Variants in DBI observed in about 807,000 individuals in gnomAD.
DBI encodes diazepam binding inhibitor, acyl-CoA binding protein.
In DBI, 12 loss-of-function variants were observed where a neutral mutation model predicts 13.0. That is an observed-to-expected ratio of 0.92 (90% CI 0.59 to 1.49). The LOEUF is 1.49. DBI is among the 40% of genes most tolerant of loss of function. The probability of loss-of-function intolerance (pLI) is 0.00; values close to 1 mark genes in which losing one functional copy is unlikely to be tolerated. For synonymous variants in DBI, 37 were observed against 37.4 expected (o/e 0.99, Z 0.04); for missense variants, 95 against 104.8 (o/e 0.91, Z 0.41).
At position 119,370,720 on chromosome 2, in the gene DBI, C is replaced by T. The variant is rs374207955; in HGVS notation, c.128-20C>T. On this transcript the variant is annotated intron_variant, in intron 2 of 3. Transcript: ENST00000355857. ...TTAGAATTTGAACCAGATCTAATGC[C>T]TTTTCTTCCCTTGTTTAAGAACGGC... 1 of 1,612,180 alleles carries T rather than the reference C, an allele frequency of 6.2e-7. No individual in the cohort carries two copies. Among genetic ancestry groups the T allele is most frequent in the South Asian group, 1.1e-5 (1 of 90,640 alleles).
At position 119,372,244 on chromosome 2, in the gene DBI, G is replaced by A. The variant is rs771529766; in HGVS notation, c.191-1G>A. 1 of 1,612,558 alleles carries A rather than the reference G, an allele frequency of 6.2e-7. No homozygotes were observed. Among genetic ancestry groups the A allele is most frequent in the Non-Finnish European group, 8.5e-7 (1 of 1,178,694 alleles). On this transcript the variant is annotated splice_acceptor_variant, in intron 3 of 3. Transcript: ENST00000355857. LOFTEE classifies it high-confidence loss of function. ...CACATAATCCTGTCGATTCCTTACA[G>A]GGACTTCCAAGGAAGATGCCATGAA...
intron 2 of DBI, chr2:119,368,605 T>C: frequency 3.1e-6 from 1 of 321,274 alleles, no homozygotes; most frequent in Non-Finnish European, 6.0e-6. Context: ...CTCAGCTCAG[T>C]AGTATCATTG....
At chr2:119,367,701 C>T in intron 1 of DBI, 1 of 1,611,756 alleles carries the variant, frequency 6.2e-7, no homozygotes, top group Admixed American at 1.7e-5. Flanking sequence ...GGCTCCGGCG[C>T]TGACACCGCG....
intron 3 of DBI, among the ~76,000 whole-genome samples, chr2:119,371,623 A>G (rs1326297356): frequency 6.6e-6 from 1 of 152,166 alleles, no homozygotes; most frequent in Non-Finnish European, 1.5e-5. Flanking sequence ...ATCCTTCACC[A>G]TAGAATCCAG....
chr2:119,367,874 G>C (rs753050121), intron 1 of DBI: 7 of 1,614,020 alleles, frequency 4.3e-6, no homozygotes, highest in Non-Finnish European at 5.9e-6. Context: ...CCCCACTGGG[G>C]GCGAAGGCTT....
Position 119,372,324 on chromosome 2 carries a change from T to C in DBI, c.*6T>C. On this transcript the variant is annotated 3_prime_UTR_variant, in exon 4 of 4. Coordinates refer to ENST00000355857, the MANE Select transcript of DBI (RefSeq NM_001079862.4). ...AGAAAAAATACGGGATATGAGAGAC[T>C]GGATTTGGTTACTGTGCCATGTGTT... 6.2e-7 allele frequency: 1 copy of C among 1,603,154 alleles called. No homozygotes were observed.
At chr2:119,368,817 G>C (rs1286934450) in intron 2 of DBI, 2 of 164,902 alleles carry the variant, frequency 1.2e-5, no homozygotes, top group Non-Finnish European at 1.3e-5. Context: ...CAGATTTTGA[G>C]GCTGTGCTTT....
At chr2:119,367,676 G>A (rs765163494) in intron 1 of DBI, 1 of 1,613,282 alleles carries the variant, frequency 6.2e-7, no homozygotes, top group Non-Finnish European at 8.5e-7. Flanking sequence ...CCCAGGGGGA[G>A]GGAGGGGACC....
chr2:119,367,722 C>G, intron 1 of DBI: 1 of 1,609,804 alleles, frequency 6.2e-7, no homozygotes, highest in Non-Finnish European at 8.5e-7. Flanking sequence ...GCACTCATGC[C>G]CTGTCCCCTT....
At chr2:119,370,659 T>C in intron 2 of DBI, 81 bp from the exon 3 acceptor site, 1 of 1,291,378 alleles carries the variant, frequency 7.7e-7, no homozygotes. Flanking sequence ...TAATAGAAGA[T>C]GGCATTTATG....
chr2:119,368,412 CT>C, intron 2 of DBI, 107 bp downstream of exon 2: 2 of 799,356 alleles, frequency 2.5e-6, no homozygotes, highest in Non-Finnish European at 4.4e-6. Flanking sequence ...AGGCCCTACT[CT>C]TCAGGTGGGG....
chr2:119,367,184 TGCCTAG>T, intron 1 of DBI, 124 bp downstream of exon 1: 2 of 1,494,512 alleles, frequency 1.3e-6, no homozygotes, highest in African/African-American at 2.8e-5. Flanking sequence ...CATGGGCCCA[TGCCTAG>T]CCCTGATTCG....
rs910005353 is a variant in DBI, at chr2:119,366,995, G to A, written c.-57G>A. ...GCTTGCCAGTGCAATCTGGGCGATC[G>A]CTTCCTGGTCCTCGCCTCCTCCGCT... On this transcript the variant is annotated 5_prime_UTR_variant, in exon 1 of 4. Transcript: ENST00000355857. 3 of 1,611,054 alleles carry A rather than the reference G, an allele frequency of 1.9e-6. No homozygotes were observed. The South Asian group carries it at 3.3e-5, about 18-fold the overall frequency.
Position 119,367,010 on chromosome 2 carries a change from C to T in DBI, c.-42C>T, listed in dbSNP as rs1385689642. On this transcript the variant is annotated 5_prime_UTR_variant, in exon 1 of 4. Coordinates refer to ENST00000355857, the MANE Select transcript of DBI (RefSeq NM_001079862.4). ...CTGGGCGATCGCTTCCTGGTCCTCG[C>T]CTCCTCCGCTGTCTCCCTGGAGTTC... The T allele has an allele frequency of 6.2e-7, 1 of 1,613,600 alleles. No homozygotes were observed. Among genetic ancestry groups the T allele is most frequent in the South Asian group, 1.1e-5 (1 of 91,008 alleles).
intron 1 of DBI, chr2:119,367,944 G>A (rs769686180): frequency 6.2e-7 from 1 of 1,614,248 alleles, no homozygotes; most frequent in Non-Finnish European, 8.5e-7. Context: ...GAGAGCTCTG[G>A]ATATATGGTT....
chr2:119,368,259 C>T lies in DBI; in HGVS notation c.81C>T (p.Phe27=), dbSNP rs200836840. ...AGCCATCGGATGAGGAGATGCTGTTCATCTATGGCCACTACAAACAAGCAA... is the reference window on the plus strand; with the variant it reads ...AGCCATCGGATGAGGAGATGCTGTTTATCTATGGCCACTACAAACAAGCAA... ...KTKPSDEEML[F]IYGHYKQATV... The change falls in exon 2 of 4, where the codon TTC becomes TTT. Residue 27 remains phenylalanine, a synonymous_variant. Coordinates refer to ENST00000355857, the MANE Select transcript of DBI (RefSeq NM_001079862.4). 7 of 1,614,110 alleles carry T rather than the reference C, an allele frequency of 4.3e-6. No homozygotes were observed. The East Asian group carries it at 1.6e-4, about 36-fold the overall frequency.
rs1681597602 is a variant in DBI at position 119,372,484 on chromosome 2, C to T, written c.*166C>T. 5 of 530,846 alleles carry T rather than the reference C, an allele frequency of 9.4e-6. No individual in the cohort carries two copies. In the South Asian group the frequency reaches 1.2e-4, roughly 13 times the overall value. The allele number at this position is 530,846 out of a possible 1,614,324, so 32.9% of individuals were successfully genotyped here. On this transcript the variant is annotated 3_prime_UTR_variant, in exon 4 of 4. Coordinates refer to ENST00000355857, the MANE Select transcript of DBI (RefSeq NM_001079862.4). ...AACAGATTAGGGGCTAAAACGATTA[C>T]TGACTTTCCTTGAGTAGTTTTTATC...
intron 3 of DBI, 41 bp downstream of exon 3, chr2:119,370,843 T>C: frequency 6.4e-7 from 1 of 1,557,844 alleles, no homozygotes. Flanking sequence ...TGAAACCCAG[T>C]AGTGAAAGAG....
intron 2 of DBI, among the ~76,000 whole-genome samples, chr2:119,369,451 C>A (rs920708060): frequency 6.6e-6 from 1 of 152,152 alleles, no homozygotes; most frequent in African/African-American, 2.4e-5. Context: ...AGTCCAAACA[C>A]GATAGTTTAG....
Sources: gnomAD v4.1 joint callset for allele counts (sites outside exome capture counted in the v4.1 genomes callset) on GRCh38, gnomAD v4.1.1 for gene constraint, MANE v1.5 for transcripts, NCBI Gene and HGNC (gene_info 2026-07-23, HGNC 2026-07-21) for gene names.